Variants in DPP6 observed in about 807,000 individuals in gnomAD.
The protein encoded by DPP6 is dipeptidyl peptidase like 6.
DPP6 carries 69 observed loss-of-function variants against 122.6 expected under a neutral mutation model. That is an observed-to-expected ratio of 0.56 (90% CI 0.46 to 0.69). The LOEUF (loss-of-function observed/expected upper bound fraction) is 0.69, where lower values mean the gene tolerates loss of function less well. DPP6 is among the 30% of genes least tolerant of loss of function. The pLI is 0.00. For synonymous variants in DPP6, 418 were observed against 433.1 expected (o/e 0.97, Z 0.43); for missense variants, 928 against 1,116.9 (o/e 0.83, Z 2.41).
chr7:154,183,276 A>C (rs1798185378), intron 1 of DPP6, among the ~76,000 whole-genome samples: 2 of 152,202 alleles, frequency 1.3e-5, no homozygotes, highest in Admixed American at 6.5e-5. Context: ...ATAGCAAGAA[A>C]ATCCCAAAAG....
intron 1 of DPP6, among the ~76,000 whole-genome samples, chr7:153,918,440 ACACACACACACACACACACACACACACT>A (rs1400648497): frequency 1.8e-5 from 2 of 108,662 alleles, no homozygotes; most frequent in African/African-American, 3.2e-5. Context: ...ACACACACAC[ACACACACACACACACACACACACACACT>A]CTCTCTCTCT....
chr7:154,085,005 A>AAAAC (rs1554457752), intron 1 of DPP6, among the ~76,000 whole-genome samples: 7 of 151,658 alleles, frequency 4.6e-5, no homozygotes, highest in African/African-American at 1.7e-4. Context: ...AAAAAAAAAA[A>AAAAC]AAAAAACAGG....
intron 3 of DPP6, among the ~76,000 whole-genome samples, chr7:154,526,698 A>G (rs1462083729): frequency 6.6e-6 from 1 of 152,238 alleles, no homozygotes; most frequent in Non-Finnish European, 1.5e-5. Flanking sequence ...GGCAGTAGGA[A>G]TTAATGTCAG....
At chr7:154,891,529 G>T (rs1008700452) in intron 25 of DPP6, among the ~76,000 whole-genome samples, 1 of 152,324 alleles carries the variant, frequency 6.6e-6, no homozygotes, top group South Asian at 2.1e-4. Context: ...CACACAGGGA[G>T]TAGCCAGGAC....
At chr7:153,986,736 A>G (rs1257020655) in intron 1 of DPP6, among the ~76,000 whole-genome samples, 2 of 152,206 alleles carry the variant, frequency 1.3e-5, no homozygotes, top group African/African-American at 4.8e-5. Flanking sequence ...ACTAAAAATT[A>G]CATGTATAAT....
chr7:153,980,389 G>C (rs1388533078), intron 1 of DPP6, among the ~76,000 whole-genome samples: 1 of 151,956 alleles, frequency 6.6e-6, no homozygotes, highest in East Asian at 1.9e-4. Flanking sequence ...GATCAGTGTT[G>C]ATATCCCCTT....
At chr7:154,461,524 C>T (rs1043369609) in intron 2 of DPP6, among the ~76,000 whole-genome samples, 1 of 152,164 alleles carries the variant, frequency 6.6e-6, no homozygotes, top group Non-Finnish European at 1.5e-5. Context: ...TCATTGTCAG[C>T]ATTTGTTATT....
the DPP6 span, among the ~76,000 whole-genome samples, chr7:153,862,680 C>T: frequency 6.6e-6 from 1 of 152,018 alleles, no homozygotes; most frequent in Non-Finnish European, 1.5e-5. Flanking sequence ...TTGTGCTTGC[C>T]AAGAAAAGAA....
intron 1 of DPP6, among the ~76,000 whole-genome samples, chr7:154,133,867 A>G (rs1258938606): frequency 6.7e-6 from 1 of 150,374 alleles, no homozygotes; most frequent in Non-Finnish European, 1.5e-5. Flanking sequence ...TGGTACCCAC[A>G]GGACCGAGTG....
chr7:153,829,118 T>C, the DPP6 span, among the ~76,000 whole-genome samples: 23 of 152,136 alleles, frequency 1.5e-4, no homozygotes, highest in Non-Finnish European at 2.9e-4. Context: ...TATTTTGCAA[T>C]TTGGGAGGCA....
intron 4 of DPP6, among the ~76,000 whole-genome samples, chr7:154,559,508 C>G (rs1284260249): frequency 2.0e-5 from 3 of 151,986 alleles, no homozygotes; most frequent in Non-Finnish European, 2.9e-5. Context: ...TGGTAAAGAA[C>G]TCAATAAACT....
At chr7:153,864,270 C>CA in the DPP6 span, among the ~76,000 whole-genome samples, 1 of 152,152 alleles carries the variant, frequency 6.6e-6, no homozygotes, top group Non-Finnish European at 1.5e-5. Flanking sequence ...TTTATTATAG[C>CA]AATTTTAGTG....
chr7:154,807,609 G>A (rs1198635879), intron 16 of DPP6, among the ~76,000 whole-genome samples: 1 of 152,160 alleles, frequency 6.6e-6, no homozygotes, highest in Non-Finnish European at 1.5e-5. Flanking sequence ...TTCACCTGAG[G>A]TCAGGAGTTC....
At chr7:154,110,992 A>G (rs1167565427) in intron 1 of DPP6, among the ~76,000 whole-genome samples, 1 of 152,108 alleles carries the variant, frequency 6.6e-6, no homozygotes, top group African/African-American at 2.4e-5. Context: ...AACCAAAGAG[A>G]AAGACCTGAA....
intron 1 of DPP6, among the ~76,000 whole-genome samples, chr7:153,979,194 T>C (rs1014576941): frequency 6.6e-6 from 1 of 152,134 alleles, no homozygotes; most frequent in Non-Finnish European, 1.5e-5. Flanking sequence ...TGTTTTTCCA[T>C]TTGTTTGTGT....
At chr7:154,052,036 T>G (rs2129061896), upstream of DPP6, among the ~76,000 whole-genome samples, 1 of 151,088 alleles carries the variant, frequency 6.6e-6, no homozygotes, top group Non-Finnish European at 1.5e-5. The surrounding 1 kb of genome is among the most constrained non-coding windows in gnomAD (Gnocchi z 4.8). Context: ...CGGGGCCGGC[T>G]GCACCTTCAG....
chr7:154,517,088 A>G (rs1476550375), intron 3 of DPP6, among the ~76,000 whole-genome samples: 4 of 152,210 alleles, frequency 2.6e-5, no homozygotes, highest in African/African-American at 9.6e-5. Flanking sequence ...AAGGAAAAAC[A>G]TGATCCAAGG....
At chr7:154,831,734 G>A (rs1265817864) in intron 16 of DPP6, among the ~76,000 whole-genome samples, 1 of 152,138 alleles carries the variant, frequency 6.6e-6, no homozygotes, top group Admixed American at 6.5e-5. Context: ...ACAGAGACCT[G>A]GGAACCACTC....
chr7:154,632,986 A>G (rs565611549), intron 5 of DPP6, among the ~76,000 whole-genome samples: 77 of 152,356 alleles, frequency 5.1e-4, no homozygotes, highest in African/African-American at 1.8e-3. Flanking sequence ...TATTAAAAAA[A>G]TAATTTGCTG....
Sources: allele counts gnomAD v4.1 joint callset (sites outside exome capture counted in the v4.1 genomes callset), GRCh38; gene constraint gnomAD v4.1.1; non-coding constraint Gnocchi (gnomAD v3.1); transcripts MANE v1.5; gene names NCBI Gene and HGNC (gene_info 2026-07-23, HGNC 2026-07-21).